SCMH1: variants seen among roughly 807,000 people sequenced by gnomAD.
SCMH1 encodes the protein polycomb protein SCMH1.
Under a neutral mutation model 70.8 loss-of-function variants are expected in SCMH1, and 37 were observed. The ratio of observed to expected loss-of-function variants is 0.52; its 90% confidence interval spans 0.40 to 0.69. The LOEUF (loss-of-function observed/expected upper bound fraction) is 0.69, where lower values mean the gene tolerates loss of function less well. Ranked by LOEUF, SCMH1 falls within the 30% of genes least tolerant of loss-of-function variation. The probability of loss-of-function intolerance (pLI) is 0.00; values close to 1 mark genes in which losing one functional copy is unlikely to be tolerated. For synonymous variants in SCMH1, 292 were observed against 307.4 expected (o/e 0.95, Z 0.52); for missense variants, 607 against 827.3 (o/e 0.73, Z 3.27).
At chr1:41,038,847 G>T (rs924844575) in intron 12 of SCMH1, among the ~76,000 whole-genome samples, 3 of 152,176 alleles carry the variant, frequency 2.0e-5, no homozygotes, top group Admixed American at 2.0e-4. Context: ...GGATATAGGA[G>T]ACCTGGGTTC....
intron 12 of SCMH1, among the ~76,000 whole-genome samples, chr1:41,041,046 T>C (rs1221532623): frequency 2.0e-5 from 3 of 152,162 alleles, no homozygotes; most frequent in Non-Finnish European, 4.4e-5. Context: ...TACTAGATTA[T>C]CTCTAGAGTA....
At chr1:41,169,731 CAG>C (rs1334266123) in intron 2 of SCMH1, among the ~76,000 whole-genome samples, 1 of 152,184 alleles carries the variant, frequency 6.6e-6, no homozygotes, top group Admixed American at 6.5e-5. Flanking sequence ...TGGGGAAAAA[CAG>C]GGGGCTACAT....
intron 2 of SCMH1, among the ~76,000 whole-genome samples, chr1:41,167,245 A>T (rs1646469013): frequency 6.6e-6 from 1 of 151,964 alleles, no homozygotes; most frequent in African/African-American, 2.4e-5. Context: ...TTTGTTGAAG[A>T]TTTTTGCATC....
chr1:41,049,458 T>A (rs75073200), intron 10 of SCMH1, among the ~76,000 whole-genome samples: 2,327 of 151,388 alleles, frequency 0.015, 57 homozygotes, highest in African/African-American at 0.051. Flanking sequence ...ATAAAAATTT[T>A]AAAAAAAATT....
intron 1 of SCMH1, among the ~76,000 whole-genome samples, chr1:41,228,194 G>A (rs1405335122): frequency 2.0e-5 from 3 of 152,234 alleles, no homozygotes; most frequent in Admixed American, 6.5e-5. Flanking sequence ...CCGTCTCTCA[G>A]AACAATTGTT....
chr1:41,035,683 A>G (rs7540613), intron 13 of SCMH1, among the ~76,000 whole-genome samples: 1 of 152,024 alleles, frequency 6.6e-6, no homozygotes, highest in African/African-American at 2.4e-5. Flanking sequence ...CCTCTTTCCT[A>G]TATTCTTAAT....
At chr1:41,047,782 A>G (rs755670711) in intron 11 of SCMH1, among the ~76,000 whole-genome samples, 1 of 152,044 alleles carries the variant, frequency 6.6e-6, no homozygotes, top group Non-Finnish European at 1.5e-5. Flanking sequence ...CTGGGTTCCC[A>G]CACCACTCTG....
intron 8 of SCMH1, among the ~76,000 whole-genome samples, chr1:41,086,606 G>A (rs1488051611): frequency 4.6e-5 from 7 of 151,906 alleles, no homozygotes; most frequent in Non-Finnish European, 1.0e-4. Context: ...AACTTTGTAT[G>A]TATTAAAAAA....
At chr1:41,069,223 A>G (rs956710617) in intron 10 of SCMH1, among the ~76,000 whole-genome samples, 1 of 152,206 alleles carries the variant, frequency 6.6e-6, no homozygotes, top group Non-Finnish European at 1.5e-5. Context: ...TAAAATTATA[A>G]TATCATGGAG....
intron 2 of SCMH1, among the ~76,000 whole-genome samples, chr1:41,163,898 G>A (rs1221330541): frequency 6.6e-6 from 1 of 152,150 alleles, no homozygotes; most frequent in Non-Finnish European, 1.5e-5. Context: ...TGGGTTCCCT[G>A]ACACTGCACC....
At chr1:41,101,851 T>C (rs1442887852) in intron 8 of SCMH1, among the ~76,000 whole-genome samples, 2 of 152,248 alleles carry the variant, frequency 1.3e-5, no homozygotes, top group East Asian at 1.9e-4. Flanking sequence ...AAAGGCCACA[T>C]AGCTAAAGCT....
intron 5 of SCMH1, 69 bp from the exon 6 acceptor site, chr1:41,143,181 A>C: frequency 4.8e-6 from 6 of 1,261,916 alleles, no homozygotes; most frequent in Non-Finnish European, 6.8e-6. Flanking sequence ...TTTTGGATTC[A>C]GATTGGTTAT....
chr1:41,136,278 C>T (rs1049630713), intron 6 of SCMH1, among the ~76,000 whole-genome samples: 1 of 151,992 alleles, frequency 6.6e-6, no homozygotes, highest in Non-Finnish European at 1.5e-5. Flanking sequence ...TATTGTAATG[C>T]TATTGAAGTT....
Position 41,118,409 on chromosome 1 carries a change from G to A in SCMH1, c.413-1399C>T, listed in dbSNP as rs572863888. Among the ~76,000 whole-genome samples the A allele has an allele frequency of 1.6e-4, 25 of 152,248 alleles. No homozygotes were observed. In the East Asian group the frequency reaches 4.6e-3, roughly 28 times the overall value. On this transcript the variant is annotated intron_variant, in intron 6 of 14. Transcript: ENST00000337495. Reference sequence around the variant, plus strand: ...ATCTGGACAGTAGAGTATGAAAGGGGATCTAATAATCTCTTAAGAAGAAAC... The same window carrying A: ...ATCTGGACAGTAGAGTATGAAAGGGAATCTAATAATCTCTTAAGAAGAAAC...
chr1:41,065,709 A>C (rs1571710951), intron 10 of SCMH1, among the ~76,000 whole-genome samples: 1 of 152,228 alleles, frequency 6.6e-6, no homozygotes, highest in Non-Finnish European at 1.5e-5. Context: ...GCAATACAAT[A>C]AAAAATAGAG....
chr1:41,167,496 C>T (rs1042903641), intron 2 of SCMH1, among the ~76,000 whole-genome samples: 2 of 152,092 alleles, frequency 1.3e-5, no homozygotes, highest in African/African-American at 4.8e-5. Flanking sequence ...GCCATTAGGT[C>T]CTAGGCTTTA....
At chr1:41,211,088 G>A (rs548255650) in intron 1 of SCMH1, among the ~76,000 whole-genome samples, 7 of 152,048 alleles carry the variant, frequency 4.6e-5, no homozygotes, top group Admixed American at 3.3e-4. Context: ...GATTACAGGC[G>A]TGAGCTACTG....
intron 1 of SCMH1, among the ~76,000 whole-genome samples, chr1:41,226,649 C>T (rs1376657715): frequency 2.0e-5 from 3 of 151,984 alleles, no homozygotes; most frequent in African/African-American, 7.2e-5. Context: ...TACTGAAATA[C>T]CTACTTAAAT....
chr1:41,153,954 A>G (rs973845994), intron 4 of SCMH1, among the ~76,000 whole-genome samples: 49 of 152,210 alleles, frequency 3.2e-4, no homozygotes, highest in African/African-American at 1.2e-3. Flanking sequence ...GGACAATATA[A>G]TAAAAATTTT....
Sources: allele counts gnomAD v4.1 joint callset (sites outside exome capture counted in the v4.1 genomes callset), GRCh38; gene constraint gnomAD v4.1.1; transcripts MANE v1.5; gene names NCBI Gene and HGNC (gene_info 2026-07-23, HGNC 2026-07-21).